The following TMEM272 variants were observed in gnomAD, a reference collection of about 807,000 sequenced individuals.
The protein encoded by TMEM272 is long intergenic non-protein coding RNA 282.
Under a neutral mutation model 3.7 loss-of-function variants are expected in TMEM272, and 8 were observed. The ratio of observed to expected loss-of-function variants is 2.17; its 90% CI spans 1.27 to 3.91. TMEM272 has a LOEUF of 3.91. TMEM272 is among the 30% of genes most tolerant of loss of function. The pLI is 0.00. For synonymous variants in TMEM272, 63 were observed against 39.8 expected, an observed-to-expected ratio of 1.58 and a Z score of -2.20; for missense variants, 166 against 91.5, an observed-to-expected ratio of 1.81 and a Z score of -3.32.
the TMEM272 span, among the ~76,000 whole-genome samples, chr13:51,862,597 A>G: frequency 6.6e-6 from 1 of 152,120 alleles, no homozygotes; most frequent in Non-Finnish European, 1.5e-5. Context: ...TGGATGCCAG[A>G]CATAGAGATG....
At chr13:51,881,712 C>A in the TMEM272 span, among the ~76,000 whole-genome samples, 1 of 152,242 alleles carries the variant, frequency 6.6e-6, no homozygotes, top group Non-Finnish European at 1.5e-5. Context: ...GAGAGCTGCC[C>A]TCCCACCATG....
chr13:51,861,710 T>C, the TMEM272 span, among the ~76,000 whole-genome samples: 1 of 152,120 alleles, frequency 6.6e-6, no homozygotes, highest in Non-Finnish European at 1.5e-5. Context: ...GGCCAAAAAC[T>C]TCTGAAATTT....
intron 1 of TMEM272, among the ~76,000 whole-genome samples, chr13:51,841,304 G>T (rs1479066971): frequency 6.6e-6 from 1 of 152,220 alleles, no homozygotes; most frequent in Non-Finnish European, 1.5e-5. Flanking sequence ...TCACAGAAGG[G>T]ATAGAACAGA....
chr13:51,843,719 C>CT (rs898583937), intron 1 of TMEM272, among the ~76,000 whole-genome samples: 12 of 152,186 alleles, frequency 7.9e-5, no homozygotes, highest in African/African-American at 2.9e-4. Flanking sequence ...CAAGTCTATC[C>CT]TTGGGCATGC....
the TMEM272 span, among the ~76,000 whole-genome samples, chr13:51,917,334 C>G: frequency 6.6e-6 from 1 of 151,986 alleles, no homozygotes; most frequent in Non-Finnish European, 1.5e-5. Context: ...TAGCTGGGGA[C>G]AAGGAGGAGT....
At chr13:51,851,769 T>C in the TMEM272 span, among the ~76,000 whole-genome samples, 9 of 152,214 alleles carry the variant, frequency 5.9e-5, no homozygotes, top group Non-Finnish European at 1.2e-4. Flanking sequence ...GTGATCTGCC[T>C]GCCTCAGCAT....
chr13:51,872,640 T>G, the TMEM272 span, among the ~76,000 whole-genome samples: 5 of 152,096 alleles, frequency 3.3e-5, no homozygotes, highest in African/African-American at 1.2e-4. Flanking sequence ...AGAGAAGGCC[T>G]AAAATCTCCT....
At chr13:51,908,547 G>A in the TMEM272 span, 3 of 1,482,732 alleles carry the variant, frequency 2.0e-6, no homozygotes, top group Admixed American at 1.7e-5. Context: ...TGAAGCAAGA[G>A]GTGGAGGAAC....
the TMEM272 span, among the ~76,000 whole-genome samples, chr13:51,880,839 C>G: frequency 7.2e-5 from 11 of 152,196 alleles, no homozygotes; most frequent in African/African-American, 2.7e-4. Context: ...AAATTGGGTT[C>G]AGTGTATACT....
intron 1 of TMEM272, among the ~76,000 whole-genome samples, chr13:51,840,633 G>C (rs898594888): frequency 6.6e-6 from 1 of 152,196 alleles, no homozygotes; most frequent in African/African-American, 2.4e-5. Flanking sequence ...GCCTCCTGAC[G>C]CAGGCTCCCT....
At chr13:51,830,190 G>A (rs1216966376) in intron 2 of TMEM272, among the ~76,000 whole-genome samples, 1 of 152,216 alleles carries the variant, frequency 6.6e-6, no homozygotes, top group Non-Finnish European at 1.5e-5. Flanking sequence ...CACTAAATTA[G>A]TGTGCTTTTC....
chr13:51,846,521 G>A (rs2139597377), upstream of TMEM272, among the ~76,000 whole-genome samples: 1 of 8,198 alleles, frequency 1.2e-4, no homozygotes, highest in African/African-American at 5.8e-4. Context: ...ACTGCTTTAT[G>A]TATTTATACT....
At chr13:51,895,402 G>A in the TMEM272 span, among the ~76,000 whole-genome samples, 3 of 152,102 alleles carry the variant, frequency 2.0e-5, no homozygotes, top group Non-Finnish European at 2.9e-5. Context: ...GCTCACACTC[G>A]GTAGTAACTG....
At chr13:51,910,710 G>C in the TMEM272 span, 1 of 395,256 alleles carries the variant, frequency 2.5e-6, no homozygotes, top group Non-Finnish European at 4.9e-6. Context: ...CTTCTGTTCG[G>C]AACTCAAATC....
chr13:51,919,988 C>T, the TMEM272 span, among the ~76,000 whole-genome samples: 1 of 151,626 alleles, frequency 6.6e-6, no homozygotes, highest in Admixed American at 6.5e-5. Context: ...GGGAGGGAGG[C>T]TTTCTATCAC....
the TMEM272 span, among the ~76,000 whole-genome samples, chr13:51,904,355 G>T: frequency 6.6e-6 from 1 of 152,098 alleles, no homozygotes; most frequent in Non-Finnish European, 1.5e-5. Context: ...CTGCTTGGTG[G>T]CTAGCTTATA....
chr13:51,853,089 G>C, the TMEM272 span, among the ~76,000 whole-genome samples: 1 of 151,938 alleles, frequency 6.6e-6, no homozygotes, highest in Non-Finnish European at 1.5e-5. Context: ...TTACGATAAA[G>C]TAAGCTGGAG....
chr13:51,817,527 A>G (rs1956043566), intron 4 of TMEM272, among the ~76,000 whole-genome samples: 1 of 152,178 alleles, frequency 6.6e-6, no homozygotes, highest in South Asian at 2.1e-4. Flanking sequence ...ACCTTGAAAT[A>G]TATCCCTCTG....
the TMEM272 span, among the ~76,000 whole-genome samples, chr13:51,878,236 C>A: frequency 6.6e-6 from 1 of 152,142 alleles, no homozygotes; most frequent in East Asian, 1.9e-4. Flanking sequence ...AGAGACCACC[C>A]TGGCTAACAT....
Sources: gnomAD v4.1 joint callset for allele counts (sites outside exome capture counted in the v4.1 genomes callset) on GRCh38, gnomAD v4.1.1 for gene constraint, MANE v1.5 for transcripts, NCBI Gene and HGNC (gene_info 2026-07-23, HGNC 2026-07-21) for gene names.